Variants in BTRC observed in about 807,000 individuals in gnomAD.
The protein encoded by BTRC is beta-transducin repeat containing E3 ubiquitin protein ligase.
In BTRC, 42 loss-of-function variants were observed where a neutral mutation model predicts 85.5. That is an observed-to-expected ratio of 0.49 (90% CI 0.38 to 0.64). BTRC has a LOEUF of 0.64. Ranked by LOEUF, BTRC falls within the 30% of genes least tolerant of loss-of-function variation. The pLI is 0.00. For synonymous variants in BTRC, 255 were observed against 263.3 expected (o/e 0.97, Z 0.30); for missense variants, 594 against 743.5 (o/e 0.80, Z 2.34).
intron 3 of BTRC, among the ~76,000 whole-genome samples, chr10:101,470,956 C>T (rs549569010): frequency 7.9e-5 from 12 of 152,218 alleles, no homozygotes; most frequent in Admixed American, 5.9e-4. Context: ...CTGAAGAAAA[C>T]GTTGCTGCTG....
chr10:101,398,366 G>A (rs184071756), intron 1 of BTRC, among the ~76,000 whole-genome samples: 33 of 151,706 alleles, frequency 2.2e-4, no homozygotes, highest in Admixed American at 1.6e-3. Context: ...ACAGTGGCGC[G>A]ATCTCAGCTC....
intron 1 of BTRC, among the ~76,000 whole-genome samples, chr10:101,404,298 GGGATTACA>G (rs1252553771): frequency 2.0e-5 from 3 of 151,694 alleles, no homozygotes; most frequent in Non-Finnish European, 4.4e-5. Flanking sequence ...CCAAAGTGCT[GGGATTACA>G]GGTGTGAGCC....
At chr10:101,363,951 T>C (rs956465554) in intron 1 of BTRC, among the ~76,000 whole-genome samples, 1 of 152,130 alleles carries the variant, frequency 6.6e-6, no homozygotes, top group Admixed American at 6.6e-5. Flanking sequence ...CATCTTACAG[T>C]GATAGGTATT....
chr10:101,366,792 T>TATATATTAATA (rs1364182611), intron 1 of BTRC, among the ~76,000 whole-genome samples: 1,181 of 88,044 alleles, frequency 0.013, 46 homozygotes, highest in Middle Eastern at 0.037. Flanking sequence ...ATATATATTT[T>TATATATTAATA]TACATTTATA....
At chr10:101,530,796 C>T (rs2062268251) in intron 6 of BTRC, among the ~76,000 whole-genome samples, 1 of 152,298 alleles carries the variant, frequency 6.6e-6, no homozygotes, top group Non-Finnish European at 1.5e-5. Context: ...TCAGGCTTAC[C>T]TTTGCTCCTC....
intron 3 of BTRC, among the ~76,000 whole-genome samples, chr10:101,466,337 G>A (rs1347417208): frequency 2.0e-5 from 3 of 152,168 alleles, no homozygotes; most frequent in Non-Finnish European, 4.4e-5. Flanking sequence ...AAGTGTTTAG[G>A]TTTTTCTGTA....
intron 4 of BTRC, among the ~76,000 whole-genome samples, chr10:101,502,567 C>T (rs778746064): frequency 2.6e-5 from 4 of 151,864 alleles, no homozygotes; most frequent in Non-Finnish European, 5.9e-5. Context: ...TTTTGCATAC[C>T]AATCTTAGAA....
rs2062022246 is a variant in BTRC, at chr10:101,516,249, T to C, written c.325-5390T>C. Among the ~76,000 whole-genome samples, 6 of 152,294 alleles carry C rather than the reference T, an allele frequency of 3.9e-5. No homozygotes were observed. The South Asian group carries it at 1.0e-3, about 26-fold the overall frequency. On this transcript the variant is annotated intron_variant, in intron 4 of 14. Coordinates refer to ENST00000370187, the MANE Select transcript of BTRC (RefSeq NM_033637.4). ...GCTAAGCATGCTTTTCATGAGGGTT[T>C]TTTAATTTGTTCCTTACAAAAACCC...
chr10:101,383,387 T>G (rs1942986839), intron 1 of BTRC, among the ~76,000 whole-genome samples: 1 of 131,594 alleles, frequency 7.6e-6, no homozygotes, highest in Admixed American at 8.2e-5. Flanking sequence ...CTTCTATAAG[T>G]CTTCCTTTTT....
intron 14 of BTRC, among the ~76,000 whole-genome samples, chr10:101,551,902 CT>C (rs1440670046): frequency 6.6e-6 from 1 of 152,168 alleles, no homozygotes; most frequent in Non-Finnish European, 1.5e-5. Flanking sequence ...CCTGTGAAGG[CT>C]GTGTGGAGAT....
At chr10:101,552,989 G>A (rs2062675016) in intron 14 of BTRC, among the ~76,000 whole-genome samples, 166 bp from the exon 15 acceptor site, 1 of 152,196 alleles carries the variant, frequency 6.6e-6, no homozygotes, top group Admixed American at 6.5e-5. Flanking sequence ...CATCAGGCCA[G>A]GTCACCTTTG....
chr10:101,443,028 C>A (rs1026668854), intron 2 of BTRC, among the ~76,000 whole-genome samples: 7 of 151,754 alleles, frequency 4.6e-5, no homozygotes, highest in Non-Finnish European at 1.0e-4. Context: ...ACTACAGGCA[C>A]CCGCCACCAT....
At position 101,535,056 on chromosome 10, in the gene BTRC, A is replaced by G. The variant is rs1455499825; in HGVS notation, c.1347+146A>G. The G allele has an allele frequency of 5.1e-6, 5 of 973,700 alleles. No homozygotes were observed. In the Admixed American group the frequency reaches 1.1e-4, roughly 21 times the overall value. The allele number at this position is 973,700 out of a possible 1,614,324, so 60.3% of individuals were successfully genotyped here. On this transcript the variant is annotated intron_variant, in intron 10 of 14. Coordinates refer to ENST00000370187, the MANE Select transcript of BTRC (RefSeq NM_033637.4). ...ACTAGTCTACAAGTGAAAAGGTGTA[A>G]TAAGTGAGACGTTGTGTGACAATTT...
chr10:101,456,805 T>A (rs1392255222), intron 2 of BTRC, among the ~76,000 whole-genome samples: 2 of 152,174 alleles, frequency 1.3e-5, no homozygotes, highest in Non-Finnish European at 2.9e-5. Context: ...TCTAAGCTAG[T>A]AAGCACTGAG....
chr10:101,370,660 C>T (rs1161589642), intron 1 of BTRC, among the ~76,000 whole-genome samples: 4 of 143,240 alleles, frequency 2.8e-5, no homozygotes, highest in African/African-American at 7.6e-5. Flanking sequence ...GCCTTGACCT[C>T]CTGGGCTCAA....
At chr10:101,481,351 A>G (rs1444681525) in intron 4 of BTRC, among the ~76,000 whole-genome samples, 2 of 152,032 alleles carry the variant, frequency 1.3e-5, no homozygotes, top group Admixed American at 6.6e-5. Context: ...GTTTTTGGCC[A>G]TGCTGCTCTT....
chr10:101,532,353 G>A lies in BTRC; in HGVS notation c.899G>A (p.Ser300Asn), dbSNP rs755899784. 1.5e-5 allele frequency: 25 copies of A among 1,613,686 alleles called. 2 individuals carry two copies. The Admixed American group carries it at 3.3e-4, about 22-fold the overall frequency. ...AGTTTACAGAGAATTCACTGCCGAAGTGAAACAAGCAAAGGAGTTTACTGT... is the reference window on the plus strand; with the variant it reads ...AGTTTACAGAGAATTCACTGCCGAAATGAAACAAGCAAAGGAGTTTACTGT... The part of the protein sequence containing the change: ...RHSLQRIHCR[S>N]ETSKGVYCLQ... Residue 300 changes from serine (S) to asparagine (N), a missense_variant, in exon 8 of 15, where the codon AGT becomes AAT. By Grantham distance (46) the Ser-to-Asn change is conservative (BLOSUM62 1). Coordinates refer to ENST00000370187, the MANE Select transcript of BTRC (RefSeq NM_033637.4).
chr10:101,523,523 C>G, intron 5 of BTRC, among the ~76,000 whole-genome samples: 1 of 151,972 alleles, frequency 6.6e-6, no homozygotes, highest in East Asian at 1.9e-4. Flanking sequence ...ATATCATTAC[C>G]TTGTTAGGGG....
intron 2 of BTRC, among the ~76,000 whole-genome samples, chr10:101,431,258 G>A (rs964446641): frequency 1.3e-5 from 2 of 151,654 alleles, no homozygotes; most frequent in Non-Finnish European, 2.9e-5. Flanking sequence ...TGTATTTTTA[G>A]TAGAGACTGG....
Sources: gnomAD v4.1 joint callset for allele counts (sites outside exome capture counted in the v4.1 genomes callset) on GRCh38, gnomAD v4.1.1 for gene constraint, MANE v1.5 for transcripts, NCBI Gene and HGNC (gene_info 2026-07-23, HGNC 2026-07-21) for gene names.